The following STOML3 variants were observed in gnomAD, a reference collection of about 807,000 sequenced individuals.
The protein encoded by STOML3 is stomatin like 3.
Under a neutral mutation model 29.5 loss-of-function variants are expected in STOML3, and 31 were observed. The ratio of observed to expected loss-of-function variants is 1.05; its 90% CI spans 0.79 to 1.42. The LOEUF (loss-of-function observed/expected upper bound fraction) is 1.42, where lower values mean the gene tolerates loss of function less well. Ranked by LOEUF, STOML3 falls within the 40% of genes most tolerant of loss-of-function variation. The pLI is 0.00. For synonymous variants in STOML3, 122 were observed against 139.8 expected, an observed-to-expected ratio of 0.87 and a Z score of 0.90; for missense variants, 380 against 363.0, an observed-to-expected ratio of 1.05 and a Z score of -0.38.
chr13:38,973,037 T>A (rs1382366873), intron 3 of STOML3, among the ~76,000 whole-genome samples: 1 of 129,808 alleles, frequency 7.7e-6, no homozygotes, highest in Non-Finnish European at 1.5e-5. Flanking sequence ...GGCAGGCAGA[T>A]CACCTGAGGT....
In STOML3 at chr13:38,972,661, G is replaced by A. The variant is rs117997704; in HGVS notation, c.230-67C>T. 10 of 1,369,730 alleles carry A rather than the reference G, an allele frequency of 7.3e-6. No homozygotes were observed. In the East Asian group the frequency reaches 2.3e-4, roughly 32 times the overall value. The allele number at this position is 1,369,730 out of a possible 1,614,324, so 84.8% of individuals were successfully genotyped here. On this transcript the variant is annotated intron_variant, in intron 3 of 6. Coordinates refer to ENST00000379631, the MANE Select transcript of STOML3 (RefSeq NM_145286.3). ...AATAACTACAAGTAGTCTCATAGCA[G>A]CATAGTGCATCATTTACATGGGGCG...
In STOML3 at chr13:38,985,347, C is replaced by A. The variant is rs111342208; in HGVS notation, c.52+5323G>T. ...CTGAGGTGGGTCAATCACTTGAAAC[C>A]GGGAGGCAGAGTTTGCAATGAGCCG... On this transcript the variant is annotated intron_variant, in intron 1 of 6. Coordinates refer to ENST00000379631, the MANE Select transcript of STOML3 (RefSeq NM_145286.3). Among the ~76,000 whole-genome samples, 10 of 152,070 alleles carry A rather than the reference C, an allele frequency of 6.6e-5. No homozygotes were observed. In the East Asian group the frequency reaches 1.2e-3, roughly 18 times the overall value.
At chr13:38,983,033 T>A (rs1468780565) in intron 1 of STOML3, among the ~76,000 whole-genome samples, 1 of 152,162 alleles carries the variant, frequency 6.6e-6, no homozygotes, top group Admixed American at 6.5e-5. Flanking sequence ...TTTTCCCCTA[T>A]CCCTCTGTTA....
intron 1 of STOML3, among the ~76,000 whole-genome samples, chr13:38,981,240 C>A (rs1032157402): frequency 2.0e-5 from 3 of 151,722 alleles, no homozygotes; most frequent in African/African-American, 7.2e-5. Flanking sequence ...TGGTGCGTGT[C>A]TACCTTTACT....
Position 38,990,804 on chromosome 13 carries a change from G to T in STOML3, c.-83C>A. On this transcript the variant is annotated 5_prime_UTR_variant, in exon 1 of 7. Coordinates refer to ENST00000379631, the MANE Select transcript of STOML3 (RefSeq NM_145286.3). ...GAAGAACAGGCAGCAACTCAGATGT[G>T]CTTGGGAGAGGGGAGAGGAGAAAGT... is the stretch of plus-strand genomic sequence containing the variant. The T allele has an allele frequency of 7.8e-7, 1 of 1,289,174 alleles. No individual in the cohort carries two copies. The highest frequency in any genetic ancestry group is 1.1e-6 in the Non-Finnish European group (1 of 893,334). 79.9% of individuals were successfully genotyped at this position (1,289,174 alleles called of 1,614,324 possible). A position where few individuals can be genotyped will look rare whatever the true frequency, so the allele number is the denominator to read the frequency against.
intron 1 of STOML3, among the ~76,000 whole-genome samples, chr13:38,982,242 T>TA (rs374604266): frequency 0.016 from 2,465 of 149,478 alleles, 74 homozygotes; most frequent in African/African-American, 0.055. Context: ...GCATTTTCTT[T>TA]AAAAAAAAAA....
chr13:38,975,345 A>G (rs1322536301), intron 3 of STOML3, among the ~76,000 whole-genome samples: 2 of 150,868 alleles, frequency 1.3e-5, no homozygotes, highest in African/African-American at 2.5e-5. Context: ...AAAAACAAAA[A>G]AAAGAAGGAA....
At chr13:38,982,698 T>C (rs1396182119) in intron 1 of STOML3, among the ~76,000 whole-genome samples, 1 of 152,202 alleles carries the variant, frequency 6.6e-6, no homozygotes, top group Non-Finnish European at 1.5e-5. Context: ...CTTCGCTTTT[T>C]GGTTCCTAAA....
chr13:38,984,591 A>G (rs966153974), intron 1 of STOML3, among the ~76,000 whole-genome samples: 2 of 152,218 alleles, frequency 1.3e-5, no homozygotes, highest in African/African-American at 4.8e-5. Flanking sequence ...GTACAGTGAC[A>G]TGCTGTACAG....
At chr13:38,978,790 T>A (rs1015201277) in intron 1 of STOML3, among the ~76,000 whole-genome samples, 10 of 152,228 alleles carry the variant, frequency 6.6e-5, no homozygotes, top group African/African-American at 2.2e-4. Flanking sequence ...GCCAAATTCA[T>A]GAATATTTAG....
At chr13:38,982,519 G>C (rs2138021803) in intron 1 of STOML3, among the ~76,000 whole-genome samples, 1 of 152,146 alleles carries the variant, frequency 6.6e-6, no homozygotes, top group Middle Eastern at 3.4e-3. Flanking sequence ...ATCAGTTTCT[G>C]TTGGAAGTAA....
At chr13:38,982,186 A>C (rs1385916117) in intron 1 of STOML3, among the ~76,000 whole-genome samples, 1 of 152,026 alleles carries the variant, frequency 6.6e-6, no homozygotes, top group Non-Finnish European at 1.5e-5. Context: ...TAAATTTTAG[A>C]CGGGCTTCTT....
intron 3 of STOML3, among the ~76,000 whole-genome samples, chr13:38,975,234 T>G (rs1881027229): frequency 6.7e-6 from 1 of 148,994 alleles, no homozygotes; most frequent in South Asian, 2.1e-4. Context: ...GGTGAGAAAA[T>G]CACTTGAACC....
chr13:38,989,767 G>C (rs531163756), intron 1 of STOML3, among the ~76,000 whole-genome samples: 1 of 152,136 alleles, frequency 6.6e-6, no homozygotes, highest in Non-Finnish European at 1.5e-5. Context: ...AAAGTGCTGC[G>C]ATTACAGGGC....
intron 1 of STOML3, 130 bp downstream of exon 1, chr13:38,990,540 G>A (rs961329277): frequency 5.2e-6 from 4 of 765,412 alleles, no homozygotes; most frequent in East Asian, 2.7e-5. Flanking sequence ...AAAATCCTGG[G>A]CTATAAATGA....
chr13:38,990,229 G>A (rs552292103), intron 1 of STOML3, among the ~76,000 whole-genome samples: 1 of 152,194 alleles, frequency 6.6e-6, no homozygotes, highest in East Asian at 1.9e-4. Flanking sequence ...GAAAATGTTT[G>A]AAGTTGGAGA....
chr13:38,969,020 G>A (rs977047806), intron 5 of STOML3, among the ~76,000 whole-genome samples: 2 of 152,128 alleles, frequency 1.3e-5, no homozygotes, highest in African/African-American at 4.8e-5. Flanking sequence ...TTTCAGGACT[G>A]TTATTAGATA....
chr13:38,979,990 T>C (rs1881217236), intron 1 of STOML3: 4 of 1,510,862 alleles, frequency 2.6e-6, no homozygotes, highest in Non-Finnish European at 3.6e-6. Flanking sequence ...ATTTCCAAAG[T>C]AGACACAGCC....
intron 3 of STOML3, among the ~76,000 whole-genome samples, chr13:38,976,008 T>C (rs1881062340): frequency 6.6e-6 from 1 of 152,152 alleles, no homozygotes. Flanking sequence ...GGCCTCATGT[T>C]CTTTGTTTTC....
Sources: allele counts gnomAD v4.1 joint callset (sites outside exome capture counted in the v4.1 genomes callset), GRCh38; gene constraint gnomAD v4.1.1; transcripts MANE v1.5; gene names NCBI Gene and HGNC (gene_info 2026-07-23, HGNC 2026-07-21).